The following ATXN1 variants were observed in gnomAD, a reference collection of about 807,000 sequenced individuals.
ATXN1 encodes ataxin-1.
In ATXN1, 8 loss-of-function variants were observed where a neutral mutation model predicts 56.4. The observed-to-expected ratio is 0.14, with a 90% CI of 0.08 to 0.26. The LOEUF is 0.26. Among genes scored for constraint, ATXN1 ranks in the 10% least tolerant of loss-of-function variants. The pLI is 1.00. For missense variants in ATXN1, 987 were observed against 1,106.5 expected (o/e 0.89, Z 1.53); for synonymous variants, 514 against 494.6 (o/e 1.04, Z -0.52).
intron 4 of ATXN1, among the ~76,000 whole-genome samples, chr6:16,529,816 T>C (rs1761467674): frequency 6.6e-6 from 1 of 152,144 alleles, no homozygotes; most frequent in Non-Finnish European, 1.5e-5. Context: ...CTTTTCACAC[T>C]CCATGGTAAA....
intron 5 of ATXN1, among the ~76,000 whole-genome samples, chr6:16,514,098 C>T (rs1043201889): frequency 6.6e-6 from 1 of 152,168 alleles, no homozygotes; most frequent in East Asian, 1.9e-4. Context: ...ACCACTAGAG[C>T]CAGGCAGCTA....
intron 6 of ATXN1, among the ~76,000 whole-genome samples, chr6:16,347,123 G>C (rs928581074): frequency 6.6e-6 from 1 of 152,192 alleles, no homozygotes; most frequent in African/African-American, 2.4e-5. Flanking sequence ...ACCTCCCCCT[G>C]CCCCTCCGTG....
rs187036271 is a variant in ATXN1, at chr6:16,406,536, A to T, written c.-160-78066T>A. Among the ~76,000 whole-genome samples, 24 of 152,338 alleles carry T rather than the reference A, an allele frequency of 1.6e-4. No individual in the cohort carries two copies. In the East Asian group the frequency reaches 4.6e-3, roughly 29 times the overall value. On this transcript the variant is annotated intron_variant, in intron 6 of 7. Transcript: ENST00000436367. ...CCCCATCTAATTAGGAATTAATAGT[A>T]CTTTCTCTTAGAAGCAAAATTTATT... is the stretch of plus-strand genomic sequence containing the variant.
At chr6:16,710,214 G>T (rs975431516) in intron 2 of ATXN1, among the ~76,000 whole-genome samples, 3 of 152,104 alleles carry the variant, frequency 2.0e-5, no homozygotes, top group Non-Finnish European at 2.9e-5. Flanking sequence ...GTATTATATC[G>T]AAAAGCATAA....
At chr6:16,659,318 A>G (rs1435435411) in intron 2 of ATXN1, among the ~76,000 whole-genome samples, 1 of 152,250 alleles carries the variant, frequency 6.6e-6, no homozygotes, top group Non-Finnish European at 1.5e-5. Flanking sequence ...TACTGATAGA[A>G]ATCAACATAA....
rs141047554 is a variant in ATXN1 at position 16,327,456 on chromosome 6, G to A, written c.855C>T (p.Pro285=). 266 of 1,613,590 alleles carry A rather than the reference G, an allele frequency of 1.6e-4. 1 individual carries two copies. In the African/African-American group the frequency reaches 2.7e-3, roughly 17 times the overall value. ...TMIPHTLTLG[P]PSQVVMQYAD... Reference sequence around the variant, plus strand: ...CGTATTGCATGACGACCTGGGAGGGGGGCCCCAGGGTGAGCGTGTGTGGGA... The same window carrying A: ...CGTATTGCATGACGACCTGGGAGGGAGGCCCCAGGGTGAGCGTGTGTGGGA... Residue 285 remains proline, a synonymous_variant, in exon 7 of 8, where the codon CCC becomes CCT. Coordinates refer to ENST00000436367, the MANE Select transcript of ATXN1 (RefSeq NM_001128164.2).
chr6:16,322,347 C>T (rs1021359250), intron 7 of ATXN1, among the ~76,000 whole-genome samples: 5 of 152,134 alleles, frequency 3.3e-5, no homozygotes, highest in Admixed American at 2.6e-4. Context: ...GACCCAAATC[C>T]GCACCCCTGG....
At chr6:16,558,852 G>A (rs764589103) in intron 4 of ATXN1, among the ~76,000 whole-genome samples, 1 of 151,696 alleles carries the variant, frequency 6.6e-6, no homozygotes, top group Non-Finnish European at 1.5e-5. Context: ...AAAGACAAAC[G>A]GAAAAATTTA....
chr6:16,664,932 A>G (rs1758394629), intron 2 of ATXN1, among the ~76,000 whole-genome samples: 1 of 152,216 alleles, frequency 6.6e-6, no homozygotes, highest in Non-Finnish European at 1.5e-5. Flanking sequence ...ATTGCATACT[A>G]CATGAAATAA....
At chr6:16,668,761 T>C (rs1330494479) in intron 2 of ATXN1, among the ~76,000 whole-genome samples, 2 of 152,070 alleles carry the variant, frequency 1.3e-5, no homozygotes, top group Non-Finnish European at 2.9e-5. Context: ...CACAAACTGG[T>C]ATGGAGCTTT....
chr6:16,522,700 A>G lies in ATXN1; in HGVS notation c.-360-12T>C, dbSNP rs1415528356. Reference sequence around the variant, plus strand: ...ATTTCTTTGGAAAACTGGAATAGAAAAAAAGATTTTTTAAAAAAATTAATA... The same window carrying G: ...ATTTCTTTGGAAAACTGGAATAGAAGAAAAGATTTTTTAAAAAAATTAATA... On this transcript the variant is annotated splice_polypyrimidine_tract_variant and intron_variant, in intron 4 of 7. Transcript: ENST00000436367. The G allele has an allele frequency of 6.6e-6, 1 of 152,246 alleles. No homozygotes were observed. Among genetic ancestry groups the G allele is most frequent in the Non-Finnish European group, 1.5e-5 (1 of 68,054 alleles). 9.4% of individuals were successfully genotyped at this position (152,246 alleles called of 1,614,324 possible).
chr6:16,403,159 G>C (rs1219570679), intron 6 of ATXN1, among the ~76,000 whole-genome samples: 1 of 151,946 alleles, frequency 6.6e-6, no homozygotes, highest in African/African-American at 2.4e-5. Context: ...AGAAAGACTG[G>C]GACTCTGGCA....
chr6:16,583,460 G>A (rs1762563112), intron 4 of ATXN1, among the ~76,000 whole-genome samples: 1 of 152,172 alleles, frequency 6.6e-6, no homozygotes, highest in South Asian at 2.1e-4. Context: ...CGTTTCCTAA[G>A]AGCTGGGTGT....
At chr6:16,761,008 C>T (rs1268306821) in intron 1 of ATXN1, 1 of 155,990 alleles carries the variant, frequency 6.4e-6, no homozygotes, top group African/African-American at 2.4e-5. Flanking sequence ...CCCCTGCGCC[C>T]AGAGTGGGGG....
chr6:16,730,554 T>C (rs1454394199), intron 2 of ATXN1, among the ~76,000 whole-genome samples: 2 of 148,722 alleles, frequency 1.3e-5, no homozygotes, highest in East Asian at 1.9e-4. Flanking sequence ...TTATGTACAA[T>C]AATATATTTC....
Position 16,494,078 on chromosome 6 carries a change from G to GGAGAGGCATCTCCAGTGCAGGGCTGGACT in ATXN1, c.-298-7998_-298-7970dup, listed in dbSNP as rs11274092. ...TGGGCCAAAAACACCCCTTTCCCAT[G>GGAGAGGCATCTCCAGTGCAGGGCTGGACT]GAGAGGCATCTCCAGTGCAGGGCTG... On this transcript the variant is annotated intron_variant, in intron 5 of 7. Transcript: ENST00000436367. 3.5e-3 allele frequency among the ~76,000 whole-genome samples: 504 copies of GGAGAGGCATCTCCAGTGCAGGGCTGGACT among 142,912 alleles called. 9 individuals carry two copies. Among genetic ancestry groups the GGAGAGGCATCTCCAGTGCAGGGCTGGACT allele is most frequent in the African/African-American group, 0.012 (442 of 37,708 alleles). 93.8% of individuals were successfully genotyped at this position (142,912 alleles called of 152,430 possible).
chr6:16,343,370 T>C (rs966139229), intron 6 of ATXN1, among the ~76,000 whole-genome samples: 6 of 152,078 alleles, frequency 3.9e-5, no homozygotes, highest in Admixed American at 3.9e-4. Context: ...AAATATGTCA[T>C]GATCTTAAAA....
chr6:16,658,098 G>A (rs949729699), intron 2 of ATXN1, among the ~76,000 whole-genome samples, 197 bp from the exon 3 acceptor site: 17 of 151,984 alleles, frequency 1.1e-4, no homozygotes, highest in African/African-American at 4.1e-4. Context: ...GTGGGGTGTG[G>A]GAAGGAAGAA....
At chr6:16,566,478 C>T (rs1161472820) in intron 4 of ATXN1, among the ~76,000 whole-genome samples, 3 of 151,994 alleles carry the variant, frequency 2.0e-5, no homozygotes, top group South Asian at 4.1e-4. Flanking sequence ...TGGGCTCAAG[C>T]GATCCTCCCG....
Sources: gnomAD v4.1 joint callset for allele counts (sites outside exome capture counted in the v4.1 genomes callset) on GRCh38, gnomAD v4.1.1 for gene constraint, MANE v1.5 for transcripts, NCBI Gene and HGNC (gene_info 2026-07-23, HGNC 2026-07-21) for gene names.